IQGAP3: variants seen among roughly 807,000 people sequenced by gnomAD.
The protein encoded by IQGAP3 is ras GTPase-activating-like protein IQGAP3.
A neutral mutation model predicts 208.2 loss-of-function variants in IQGAP3; 165 were observed. That is an observed-to-expected ratio of 0.79 (90% confidence interval 0.70 to 0.90). IQGAP3 has a LOEUF of 0.90. Ranked by LOEUF, IQGAP3 falls within the 40% of genes least tolerant of loss-of-function variation. The pLI is 0.00. For missense variants in IQGAP3, 1,811 were observed against 2,043.1 expected (o/e 0.89, Z 2.19); for synonymous variants, 703 against 803.6 (o/e 0.87, Z 2.12).
chr1:156,531,059 C>A, intron 33 of IQGAP3, 101 bp downstream of exon 33: 1 of 832,254 alleles, frequency 1.2e-6, no homozygotes. Context: ...CTGCTTCTGG[C>A]TGATGTGGGT....
Position 156,530,272 on chromosome 1 carries a change from C to A in IQGAP3, c.4237G>T (p.Ala1413Ser). The change falls in exon 34 of 38, where the codon GCC (alanine) becomes TCC (serine). Residue 1413 changes from alanine to serine, a missense_variant. By Grantham distance (99) the Ala-to-Ser change is moderately conservative. Coordinates refer to ENST00000361170, the MANE Select transcript of IQGAP3 (RefSeq NM_178229.5). ...CGTCGCAGTGGCTCCGGTGTCTGGGCTGTACAGGCCTGGCGTCGGCTCATC... is the reference window on the plus strand; with the variant it reads ...CGTCGCAGTGGCTCCGGTGTCTGGGATGTACAGGCCTGGCGTCGGCTCATC... ...QLMSRRQACT[A>S]QTPEPLRRHR... The A allele has an allele frequency of 6.2e-7, 1 of 1,611,890 alleles. No individual in the cohort carries two copies.
Position 156,548,132 on chromosome 1 carries a change from T to C in IQGAP3, c.2245A>G (p.Lys749Glu). ...AGAAAGTGGGAATGCTCAGCAAACT[T>C]CTGCCGAACTAGGAAGCCACGGAGG... ...ARLRGFLVRQ[K>E]FAEHSHFLRT... Residue 749 changes from lysine (K) to glutamate (E), a missense_variant, in exon 19 of 38, where the codon AAG becomes GAG. Coordinates refer to ENST00000361170, the MANE Select transcript of IQGAP3 (RefSeq NM_178229.5). 6.2e-7 allele frequency: 1 copy of C among 1,613,894 alleles called. No individual in the cohort carries two copies. Among genetic ancestry groups the C allele is most frequent in the South Asian group, 1.1e-5 (1 of 91,028 alleles).
At chr1:156,530,539 T>C (rs1557916558) in intron 33 of IQGAP3, among the ~76,000 whole-genome samples, 1 of 152,056 alleles carries the variant, frequency 6.6e-6, no homozygotes, top group Non-Finnish European at 1.5e-5. Flanking sequence ...GTGTCACACA[T>C]GGGAGGGCCT....
intron 2 of IQGAP3, among the ~76,000 whole-genome samples, chr1:156,567,794 A>G (rs1175150185): frequency 6.6e-6 from 1 of 152,234 alleles, no homozygotes; most frequent in Non-Finnish European, 1.5e-5. Context: ...GTACAGATTG[A>G]CTTTTAGAGT....
intron 2 of IQGAP3, among the ~76,000 whole-genome samples, chr1:156,567,563 T>G (rs1676465397): frequency 6.6e-6 from 1 of 152,198 alleles, no homozygotes; most frequent in Admixed American, 6.5e-5. Flanking sequence ...AGGGAGAGAT[T>G]AAAGTCTACT....
Position 156,533,884 on chromosome 1 carries a change from C to T in IQGAP3, c.3874-9G>A, listed in dbSNP as rs370474601. 64 of 1,606,300 alleles carry T rather than the reference C, an allele frequency of 4.0e-5. No homozygotes were observed. The highest frequency in any genetic ancestry group is 3.2e-4 in the African/African-American group (24 of 74,892). On this transcript the variant is annotated splice_polypyrimidine_tract_variant and intron_variant, in intron 30 of 37. Transcript: ENST00000361170. ...TGGTGCTCCAGCAACAGCTGCAGGA[C>T]GGAGAAAGAAAAGGAGATGCAGGGT... is the stretch of plus-strand genomic sequence containing the variant.
chr1:156,526,384 G>T lies in IQGAP3; in HGVS notation c.*102C>A. 2 of 805,140 alleles carry T rather than the reference G, an allele frequency of 2.5e-6. No individual in the cohort carries two copies. The highest frequency in any genetic ancestry group is 2.1e-6 in the Non-Finnish European group (1 of 468,462). 49.9% of individuals were successfully genotyped at this position (805,140 alleles called of 1,614,324 possible). ...GGTGAGAATCCCTGGGCCTTGCCCA[G>T]TCCTGAGCTCTAGGTGTCTGCAGGG... On this transcript the variant is annotated 3_prime_UTR_variant, in exon 38 of 38. Transcript: ENST00000361170.
At position 156,525,410 on chromosome 1, in the gene IQGAP3, G is replaced by A. The variant is rs1038707202; in HGVS notation, c.*1076C>T. 1 of 152,656 alleles carries A rather than the reference G, an allele frequency of 6.6e-6. No homozygotes were observed. The highest frequency in any genetic ancestry group is 2.4e-5 in the African/African-American group (1 of 41,430). 9.5% of individuals were successfully genotyped at this position (152,656 alleles called of 1,614,324 possible). ...ATAAGGGTTAACAACAGATGTGGGAGTAACAGCTGCTTTTATTAACATCAG... is the reference window on the plus strand; with the variant it reads ...ATAAGGGTTAACAACAGATGTGGGAATAACAGCTGCTTTTATTAACATCAG... On this transcript the variant is annotated 3_prime_UTR_variant, in exon 38 of 38. Transcript: ENST00000361170.
chr1:156,539,448 G>A lies in IQGAP3; in HGVS notation c.2982C>T (p.Tyr994=). 1.2e-6 allele frequency: 2 copies of A among 1,614,130 alleles called. No individual in the cohort carries two copies. Among genetic ancestry groups the A allele is most frequent in the Non-Finnish European group, 8.5e-7 (1 of 1,179,970 alleles). The change falls in exon 25 of 38, where the codon TAC becomes TAT. Residue 994 remains tyrosine, a synonymous_variant. Coordinates refer to ENST00000361170, the MANE Select transcript of IQGAP3 (RefSeq NM_178229.5). ...CCTCTCGGCGGCTGGAGGCATAGTT[G>A]TACAGGCTGAAAATCACTGCCTCCA... ...KFMEAVIFSL[Y]NYASSRREAY... is the part of the protein sequence containing the mutation.
rs956474929 is a variant in IQGAP3 at position 156,537,401 on chromosome 1, T to G, written c.3282-80A>C. ...CCCCAAGGCCCTATTCCTTAAACGC[T>G]TGTCTAACAACAAGATCTCATACAG... On this transcript the variant is annotated intron_variant, in intron 26 of 37. Coordinates refer to ENST00000361170, the MANE Select transcript of IQGAP3 (RefSeq NM_178229.5). 5 of 1,364,824 alleles carry G rather than the reference T, an allele frequency of 3.7e-6. No homozygotes were observed. In the African/African-American group the frequency reaches 5.9e-5, roughly 16 times the overall value. 84.5% of individuals were successfully genotyped at this position (1,364,824 alleles called of 1,614,324 possible). A position where few individuals can be genotyped will look rare whatever the true frequency, so the allele number is the denominator to read the frequency against.
At chr1:156,537,076 T>G (rs955120468) in intron 27 of IQGAP3, 105 bp downstream of exon 27, 1 of 1,271,104 alleles carries the variant, frequency 7.9e-7, no homozygotes, top group African/African-American at 1.5e-5. Context: ...TCCATCTCCC[T>G]CCCTGCCTTC....
chr1:156,560,917 A>T lies in IQGAP3; in HGVS notation c.1129+17T>A. ...GAGATACGCACAGAGCAGGCCTCAG[A>T]CCTGCAGATGACTTACTGGCTTGTT... On this transcript the variant is annotated intron_variant, in intron 11 of 37. Transcript: ENST00000361170. 1 of 1,563,450 alleles carries T rather than the reference A, an allele frequency of 6.4e-7. No homozygotes were observed. Among genetic ancestry groups the T allele is most frequent in the Non-Finnish European group, 8.8e-7 (1 of 1,134,100 alleles).
rs1171385219 is a variant in IQGAP3 at position 156,556,551 on chromosome 1, C to G, written c.1272G>C (p.Val424=). ...ASSMYQLELA[V]LQQQQGELGQ... is the part of the protein sequence containing the mutation. ...GGCTTACCCCCTGCTGCTGCTGGAG[C>G]ACTGCCAGCTCCAGCTGGTACATAG... Residue 424 remains valine (V), a synonymous_variant, in exon 12 of 38, where the codon GTG becomes GTC. Transcript: ENST00000361170. 1 of 1,614,034 alleles carries G rather than the reference C, an allele frequency of 6.2e-7. No individual in the cohort carries two copies. The highest frequency in any genetic ancestry group is 8.5e-7 in the Non-Finnish European group (1 of 1,180,034).
intron 1 of IQGAP3, 65 bp from the exon 2 acceptor site, chr1:156,569,528 CTTTTTTTTTTTT>C: frequency 3.6e-5 from 5 of 137,388 alleles, no homozygotes; most frequent in Non-Finnish European, 6.2e-5. Context: ...ACTGAAGGGT[CTTTTTTTTTTTT>C]TTTTTTTTTT....
rs115015560 is a variant in IQGAP3, at chr1:156,528,685, G to T, written c.4572-75C>A. 1,092 of 1,288,706 alleles carry T rather than the reference G, an allele frequency of 8.5e-4. 5 individuals carry two copies. The African/African-American group carries it at 0.015, about 17-fold the overall frequency. The allele number at this position is 1,288,706 out of a possible 1,614,324, so 79.8% of individuals were successfully genotyped here. On this transcript the variant is annotated intron_variant, in intron 35 of 37. Coordinates refer to ENST00000361170, the MANE Select transcript of IQGAP3 (RefSeq NM_178229.5). ...CAAAGAAACTTGTTTTCTGTGGCTG[G>T]AAAGGAAATGAGACCCCGAGGAAGA...
At chr1:156,529,202 T>C (rs1674260992) in intron 34 of IQGAP3, 120 bp from the exon 35 acceptor site, 2 of 1,094,242 alleles carry the variant, frequency 1.8e-6, no homozygotes, top group Non-Finnish European at 2.7e-6. Context: ...GCTTCAAGGC[T>C]GTTTTCCTAG....
chr1:156,526,870 T>C (rs1000294317), intron 37 of IQGAP3, among the ~76,000 whole-genome samples: 3 of 152,104 alleles, frequency 2.0e-5, no homozygotes, highest in African/African-American at 7.2e-5. Context: ...TCTCACTCGG[T>C]CTCCCAGGCT....
At chr1:156,555,707 C>T (rs1194242630) in intron 12 of IQGAP3, among the ~76,000 whole-genome samples, 1 of 152,176 alleles carries the variant, frequency 6.6e-6, no homozygotes, top group Non-Finnish European at 1.5e-5. Flanking sequence ...ATTTTATATT[C>T]AAAGAAATTG....
chr1:156,548,442 G>A lies in IQGAP3; in HGVS notation c.2039C>T (p.Ala680Val), dbSNP rs1675377105. Residue 680 changes from alanine (A) to valine (V), a missense_variant, in exon 18 of 38, where the codon GCC (alanine) becomes GTC (valine). Coordinates refer to ENST00000361170, the MANE Select transcript of IQGAP3 (RefSeq NM_178229.5). ...GAAGGTCTGCAGATGGAAGTAGTAG[G>A]CAGTGCCATCCTTCATGTCATGTTG... ...WVQHDMKDGT[A>V]YYFHLQTFQG... The A allele has an allele frequency of 6.2e-7, 1 of 1,613,850 alleles. No homozygotes were observed.
Sources: gnomAD v4.1 joint callset for allele counts (sites outside exome capture counted in the v4.1 genomes callset) on GRCh38, gnomAD v4.1.1 for gene constraint, MANE v1.5 for transcripts, NCBI Gene and HGNC (gene_info 2026-07-23, HGNC 2026-07-21) for gene names.